The following SPDYE21 variants were observed in gnomAD, a reference collection of about 807,000 sequenced individuals.
SPDYE21 encodes the protein speedy protein E21.
In SPDYE21, 14 loss-of-function variants were observed where a neutral mutation model predicts 36.2. That is an observed-to-expected ratio of 0.39 (90% CI 0.26 to 0.61). SPDYE21 has a LOEUF of 0.61. Among genes scored for constraint, SPDYE21 ranks in the 20% least tolerant of loss-of-function variants. The probability of loss-of-function intolerance (pLI) is 0.55; values close to 1 mark genes in which losing one functional copy is unlikely to be tolerated. For synonymous variants in SPDYE21, 58 were observed against 155.1 expected (o/e 0.37, Z 4.65); for missense variants, 233 against 424.6 (o/e 0.55, Z 3.97).
chr7:67,283,962 C>A lies in SPDYE21; in HGVS notation c.719C>A (p.Ser240Tyr), dbSNP rs1282860672. The A allele has an allele frequency of 6.2e-7, 1 of 1,601,384 alleles. No individual in the cohort carries two copies. Among genetic ancestry groups the A allele is most frequent in the East Asian group, 2.2e-5 (1 of 44,822 alleles). Residue 240 changes from serine (S) to tyrosine (Y), a missense_variant, in exon 6 of 9, where the codon TCC becomes TAC. Ser to Tyr is a moderately radical substitution (Grantham distance 144, BLOSUM62 -2). Coordinates refer to ENST00000424157, the MANE Select transcript of SPDYE21 (RefSeq NM_001382715.2). The stretch of plus-strand genomic sequence containing the variant: ...TATTTCAGCCGGGCCGGCCTCCCCT[C>A]CTGGCAATACCAACGCATTCATTTC... Reference protein sequence around the residue: ...IVYFSRAGLPSWQYQRIHFFL... With the variant: ...IVYFSRAGLPYWQYQRIHFFL...
intron 5 of SPDYE21, among the ~76,000 whole-genome samples, chr7:67,283,584 C>T (rs1802678859): frequency 6.6e-6 from 1 of 152,098 alleles, no homozygotes; most frequent in Non-Finnish European, 1.5e-5. Flanking sequence ...CTCCTGGCCC[C>T]TCTACTCTCA....
chr7:67,287,316 G>A (rs1167003161), intron 8 of SPDYE21, among the ~76,000 whole-genome samples: 1 of 152,222 alleles, frequency 6.6e-6, no homozygotes, highest in South Asian at 2.1e-4. Flanking sequence ...GGTGTATTAA[G>A]TGAGTTTTGG....
intron 5 of SPDYE21, 40 bp downstream of exon 5, chr7:67,282,733 A>T: frequency 1.9e-6 from 2 of 1,042,060 alleles, no homozygotes; most frequent in Middle Eastern, 3.7e-4. Flanking sequence ...GTTCCAACAC[A>T]TGGCTGGGGG....
At chr7:67,284,477 AC>A (rs1167689350) in intron 6 of SPDYE21, among the ~76,000 whole-genome samples, 1 of 133,438 alleles carries the variant, frequency 7.5e-6, no homozygotes, top group African/African-American at 2.7e-5. Context: ...AGCCAAAAAA[AC>A]AAACTCCAAT....
rs1364782735 is a variant in SPDYE21 at position 67,278,583 on chromosome 7, G to A, written c.-131G>A. The stretch of plus-strand genomic sequence containing the variant: ...TCCGACCTTCCTGATTGGAGGGACC[G>A]GACTCCGTGGTGCCTGGAGATCAGT... On this transcript the variant is annotated 5_prime_UTR_variant, in exon 2 of 9. Transcript: ENST00000424157. 2.0e-3 allele frequency among the ~76,000 whole-genome samples: 211 copies of A among 106,662 alleles called. No individual in the cohort carries two copies. The highest frequency in any genetic ancestry group is 5.6e-3 in the African/African-American group (149 of 26,774). The allele number at this position is 106,662 out of a possible 152,430, so 70.0% of individuals were successfully genotyped here. A position where few individuals can be genotyped will look rare whatever the true frequency, so the allele number is the denominator to read the frequency against.
intron 6 of SPDYE21, among the ~76,000 whole-genome samples, chr7:67,284,404 G>A (rs1317153682): frequency 7.4e-6 from 1 of 135,926 alleles, no homozygotes. Context: ...AGCTAAGGTC[G>A]AGCCACTGCA....
intron 5 of SPDYE21, among the ~76,000 whole-genome samples, chr7:67,282,903 TTCAAGCGATTCTCCTGCC>T (rs1435645915): frequency 3.1e-5 from 4 of 127,248 alleles, no homozygotes; most frequent in African/African-American, 1.2e-4. Flanking sequence ...GCCTCCCGGG[TTCAAGCGATTCTCCTGCC>T]TCAGCCTCCA....
intron 2 of SPDYE21, among the ~76,000 whole-genome samples, chr7:67,279,184 A>C (rs187024495): frequency 0.028 from 3,889 of 139,112 alleles, 209 homozygotes; most frequent in East Asian, 0.16. Context: ...CTGCACTCCC[A>C]AAAAAAAAAA....
At chr7:67,280,627 G>A (rs1424875461) in intron 3 of SPDYE21, among the ~76,000 whole-genome samples, 2 of 134,354 alleles carry the variant, frequency 1.5e-5, no homozygotes, top group African/African-American at 2.8e-5. Flanking sequence ...AGGTGGAAGA[G>A]GTTGCTTTGA....
At chr7:67,283,855 C>A in intron 5 of SPDYE21, 58 bp from the exon 6 acceptor site, 6 of 1,013,574 alleles carry the variant, frequency 5.9e-6, no homozygotes, top group Middle Eastern at 3.0e-4. Context: ...CCCCTCTCCA[C>A]AATCTTCCTC....
intron 8 of SPDYE21, among the ~76,000 whole-genome samples, 177 bp downstream of exon 8, chr7:67,286,841 A>T (rs1230451309): frequency 6.6e-6 from 1 of 152,152 alleles, no homozygotes; most frequent in Non-Finnish European, 1.5e-5. Flanking sequence ...ACTACTCAGG[A>T]GGCTGAGGCG....
In SPDYE21 at chr7:67,287,880, C is replaced by T. The variant is rs2116517612; in HGVS notation, c.*408C>T. Among the ~76,000 whole-genome samples the T allele has an allele frequency of 6.6e-6, 1 of 152,076 alleles. No homozygotes were observed. Among genetic ancestry groups the T allele is most frequent in the South Asian group, 2.1e-4 (1 of 4,816 alleles). ...CACAGTCCAGGAGCATTTGAAGGCA[C>T]AATGCAGGGGCTCAGATTGGCACAG... On this transcript the variant is annotated 3_prime_UTR_variant, in exon 9 of 9. Coordinates refer to ENST00000424157, the MANE Select transcript of SPDYE21 (RefSeq NM_001382715.2).
rs922741114 is a variant in SPDYE21, at chr7:67,286,498, T to C, written c.1149+61T>C. ...GGAATCGGGTGGGCTGGAGGCTGGA[T>C]GAGGGGAGAGAGGGGTATCCTGGCG... On this transcript the variant is annotated intron_variant, in intron 7 of 8. Coordinates refer to ENST00000424157, the MANE Select transcript of SPDYE21 (RefSeq NM_001382715.2). 5.9e-5 allele frequency among the ~76,000 whole-genome samples: 9 copies of C among 151,460 alleles called. No individual in the cohort carries two copies. The South Asian group carries it at 8.3e-4, about 14-fold the overall frequency.
At position 67,288,400 on chromosome 7, in the gene SPDYE21, ACTAT is replaced by A. The variant is rs1228419489; in HGVS notation, c.*933_*936del. ...ATATATACTAACACGTCTAATATAT[ACTAT>A]CTATTTTATTGGTTTATTTTGAAAA... On this transcript the variant is annotated 3_prime_UTR_variant, in exon 9 of 9. Transcript: ENST00000424157. 1.4e-5 allele frequency among the ~76,000 whole-genome samples: 2 copies of A among 147,184 alleles called. No individual in the cohort carries two copies. Among genetic ancestry groups the A allele is most frequent in the African/African-American group, 4.9e-5 (2 of 40,914 alleles).
At chr7:67,279,779 T>C (rs1802600130) in intron 2 of SPDYE21, 39 bp from the exon 3 acceptor site, 3 of 1,593,688 alleles carry the variant, frequency 1.9e-6, no homozygotes, top group African/African-American at 1.3e-5. Flanking sequence ...GGTGATCAGA[T>C]GCAGAAGCAT....
At position 67,278,724 on chromosome 7, in the gene SPDYE21, C is replaced by T. The variant is rs1356170365; in HGVS notation, c.11C>T (p.Thr4Met). Among the ~76,000 whole-genome samples the T allele has an allele frequency of 8.0e-5, 12 of 150,272 alleles. No homozygotes were observed. Among genetic ancestry groups the T allele is most frequent in the African/African-American group, 1.7e-4 (7 of 40,688 alleles). Residue 4 changes from threonine (T) to methionine (M), a missense_variant, in exon 2 of 9, where the codon ACG (threonine) becomes ATG (methionine). Thr to Met is a moderately conservative substitution (Grantham distance 81). This residue lies in a region of SPDYE21 where 68 missense variants were observed against 87.6 expected (regional missense o/e 0.78). Coordinates refer to ENST00000424157, the MANE Select transcript of SPDYE21 (RefSeq NM_001382715.2). The stretch of plus-strand genomic sequence containing the variant: ...GTCCAGAAGAAGGCCATGGACAGAA[C>T]GGAGACTAGGTTCCGTAAGAGGGGA... MDR[T>M]ETRFRKRGQI...
intron 3 of SPDYE21, among the ~76,000 whole-genome samples, chr7:67,280,691 CAA>C (rs1180256690): frequency 0.018 from 270 of 14,976 alleles, 2 homozygotes; most frequent in African/African-American, 0.06. Context: ...GAAGCTGTCT[CAA>C]AAAAAAAAAA....
At chr7:67,285,262 C>T (rs1221440611) in intron 6 of SPDYE21, among the ~76,000 whole-genome samples, 1 of 152,200 alleles carries the variant, frequency 6.6e-6, no homozygotes, top group Non-Finnish European at 1.5e-5. Context: ...GTCCCCCAAG[C>T]TAGAGTGCAG....
intron 6 of SPDYE21, 127 bp from the exon 7 acceptor site, chr7:67,285,917 C>G: frequency 6.5e-7 from 1 of 1,541,554 alleles, no homozygotes; most frequent in Non-Finnish European, 8.8e-7. Context: ...GAAGGCGTGG[C>G]TCTCTGCAGG....
Sources: allele counts gnomAD v4.1 joint callset (sites outside exome capture counted in the v4.1 genomes callset), GRCh38; gene constraint gnomAD v4.1.1; regional missense constraint gnomAD v4.1.1; transcripts MANE v1.5; gene names NCBI Gene and HGNC (gene_info 2026-07-23, HGNC 2026-07-21).